The following GRM7 variants were observed in gnomAD, a reference collection of about 807,000 sequenced individuals.
GRM7 encodes the protein metabotropic glutamate receptor 7.
In GRM7, 35 loss-of-function variants were observed where a neutral mutation model predicts 84.5. The observed-to-expected ratio is 0.41, with a 90% CI of 0.32 to 0.55. The LOEUF (loss-of-function observed/expected upper bound fraction) is 0.55. Ranked by LOEUF, GRM7 falls within the 20% of genes least tolerant of loss-of-function variation. GRM7 has a pLI of 0.19. For missense variants in GRM7, 1,003 were observed against 1,194.6 expected (o/e 0.84, Z 2.36); for synonymous variants, 487 against 455.1 (o/e 1.07, Z -0.89).
chr3:7,535,853 CT>C (rs1298247348), intron 7 of GRM7, among the ~76,000 whole-genome samples: 2 of 152,188 alleles, frequency 1.3e-5, no homozygotes, highest in Non-Finnish European at 2.9e-5. Context: ...TTGGCAGATA[CT>C]TGTGTCCACC....
At chr3:6,891,080 G>T in intron 1 of GRM7, among the ~76,000 whole-genome samples, 1 of 152,052 alleles carries the variant, frequency 6.6e-6, no homozygotes, top group African/African-American at 2.4e-5. Context: ...TTTTCCATTT[G>T]CTTGGTAGAT....
At chr3:6,998,234 C>T (rs1249976080) in intron 1 of GRM7, among the ~76,000 whole-genome samples, 3 of 149,980 alleles carry the variant, frequency 2.0e-5, no homozygotes, top group African/African-American at 7.4e-5. Flanking sequence ...AAAGGGGCTA[C>T]AGGCCCCATT....
chr3:7,532,585 T>G (rs544800553), intron 7 of GRM7, among the ~76,000 whole-genome samples: 1 of 152,214 alleles, frequency 6.6e-6, no homozygotes, highest in South Asian at 2.1e-4. Context: ...CTGGGCTCAT[T>G]GATTTTTTAA....
chr3:6,994,954 T>C (rs1694780876), intron 1 of GRM7, among the ~76,000 whole-genome samples: 1 of 152,168 alleles, frequency 6.6e-6, no homozygotes, highest in Admixed American at 6.5e-5. Flanking sequence ...ACATCATAGG[T>C]TACACTTTAC....
chr3:7,358,425 A>C (rs1693507503), intron 4 of GRM7, among the ~76,000 whole-genome samples: 1 of 149,832 alleles, frequency 6.7e-6, no homozygotes, highest in South Asian at 2.1e-4. Flanking sequence ...TTAAACGGTC[A>C]TGTGAACCAG....
intron 6 of GRM7, among the ~76,000 whole-genome samples, chr3:7,454,631 A>G (rs1167132522): frequency 6.6e-6 from 1 of 152,124 alleles, no homozygotes; most frequent in Non-Finnish European, 1.5e-5. Flanking sequence ...AAGCTAATCT[A>G]TGTATATAAT....
chr3:7,579,401 T>TC, intron 8 of GRM7, 44 bp downstream of exon 8: 1 of 1,197,820 alleles, frequency 8.3e-7, no homozygotes, highest in South Asian at 1.6e-5. Flanking sequence ...AAAAATGTGT[T>TC]CATTTTTGTA....
At chr3:7,175,393 A>G (rs1278667817) in intron 2 of GRM7, among the ~76,000 whole-genome samples, 9 of 152,348 alleles carry the variant, frequency 5.9e-5, no homozygotes, top group Admixed American at 3.3e-4. Context: ...CTCCATTGTC[A>G]TGTCTCCATG....
chr3:7,318,412 G>A (rs1160613232), intron 4 of GRM7, among the ~76,000 whole-genome samples: 1 of 151,962 alleles, frequency 6.6e-6, no homozygotes, highest in African/African-American at 2.4e-5. Context: ...TTATTAGTTT[G>A]GATTGAGTGA....
intron 1 of GRM7, among the ~76,000 whole-genome samples, chr3:7,011,524 G>C (rs928732144): frequency 2.6e-5 from 4 of 152,056 alleles, no homozygotes; most frequent in African/African-American, 9.7e-5. Context: ...TTCTTTGCAT[G>C]CACTTTTTAT....
chr3:6,976,873 G>A (rs1265258604), intron 1 of GRM7, among the ~76,000 whole-genome samples: 2 of 152,158 alleles, frequency 1.3e-5, no homozygotes, highest in Non-Finnish European at 2.9e-5. Flanking sequence ...GCCTGTGACA[G>A]ACTCAGGCTC....
chr3:6,919,290 C>T (rs1697040747), intron 1 of GRM7, among the ~76,000 whole-genome samples: 1 of 151,838 alleles, frequency 6.6e-6, no homozygotes, highest in Non-Finnish European at 1.5e-5. Context: ...CCTCCAACTC[C>T]TGGGTTCAAG....
chr3:7,696,011 A>G (rs1701001811), intron 9 of GRM7, among the ~76,000 whole-genome samples: 1 of 152,218 alleles, frequency 6.6e-6, no homozygotes, highest in African/African-American at 2.4e-5. Flanking sequence ...CAGCTCCCAT[A>G]TTGGACCACA....
intron 3 of GRM7, among the ~76,000 whole-genome samples, chr3:7,301,817 A>G (rs1487091840): frequency 6.6e-6 from 1 of 152,190 alleles, no homozygotes; most frequent in African/African-American, 2.4e-5. Flanking sequence ...CTGATAACCC[A>G]TAATGTTACG....
At chr3:7,529,431 T>C (rs914590755) in intron 7 of GRM7, among the ~76,000 whole-genome samples, 15 of 152,140 alleles carry the variant, frequency 9.9e-5, no homozygotes, top group Non-Finnish European at 1.9e-4. Context: ...GGATTTGGCA[T>C]AGCAAGGAGA....
At position 7,074,424 on chromosome 3, in the gene GRM7, C is replaced by T. The variant is rs147080089; in HGVS notation, c.520-72028C>T. Among the ~76,000 whole-genome samples the T allele has an allele frequency of 1.6e-4, 25 of 152,224 alleles. No homozygotes were observed. In the East Asian group the frequency reaches 4.3e-3, roughly 26 times the overall value. On this transcript the variant is annotated intron_variant, in intron 1 of 9. Transcript: ENST00000357716. ...TCTGTGCAACACTGCTCTCAGAAGA[C>T]GTGTGGTATAGAAGGGCATTACTTA...
At chr3:7,735,963 G>T (rs1357029196) in intron 9 of GRM7, among the ~76,000 whole-genome samples, 1 of 152,102 alleles carries the variant, frequency 6.6e-6, no homozygotes. Context: ...TTTCCAAATG[G>T]CTCTCCCATA....
Position 7,450,604 on chromosome 3 carries a change from G to T in GRM7, c.1175-2003G>T, listed in dbSNP as rs145978146. Among the ~76,000 whole-genome samples the T allele has an allele frequency of 1.5e-3, 227 of 152,208 alleles. 2 individuals are homozygous for T. The highest frequency in any genetic ancestry group is 5.3e-3 in the African/African-American group (220 of 41,548). The stretch of plus-strand genomic sequence containing the variant: ...AACAGTATCATTAAGAACCAAGATT[G>T]TCCTCATGAGAGAAAGGAAGTAGAG... On this transcript the variant is annotated intron_variant, in intron 5 of 9. Coordinates refer to ENST00000357716, the MANE Select transcript of GRM7 (RefSeq NM_000844.4).
chr3:7,428,129 A>C (rs1053237113), intron 5 of GRM7, among the ~76,000 whole-genome samples: 1 of 152,092 alleles, frequency 6.6e-6, no homozygotes, highest in Non-Finnish European at 1.5e-5. Flanking sequence ...TTCTGAAAGG[A>C]GCTTATACCA....
Sources: gnomAD v4.1 joint callset for allele counts (sites outside exome capture counted in the v4.1 genomes callset) on GRCh38, gnomAD v4.1.1 for gene constraint, MANE v1.5 for transcripts, NCBI Gene and HGNC (gene_info 2026-07-23, HGNC 2026-07-21) for gene names.